The following NXPE4 variants were observed in gnomAD, a reference collection of about 807,000 sequenced individuals.
The protein encoded by NXPE4 is neurexophilin and PC-esterase domain family member 4, also known as NXPE family member 4.
NXPE4 carries 42 observed loss-of-function variants against 33.3 expected under a neutral mutation model. The observed-to-expected ratio is 1.26, with a 90% CI of 0.98 to 1.63. The LOEUF (loss-of-function observed/expected upper bound fraction) is 1.63, where lower values mean the gene tolerates loss of function less well. Ranked by LOEUF, NXPE4 falls within the 40% of genes most tolerant of loss-of-function variation. The probability of loss-of-function intolerance (pLI) is 0.00; values close to 1 mark genes in which losing one functional copy is unlikely to be tolerated. For synonymous variants in NXPE4, 253 were observed against 234.9 expected, an observed-to-expected ratio of 1.08 and a Z score of -0.71; for missense variants, 709 against 647.6, an observed-to-expected ratio of 1.09 and a Z score of -1.03.
chr11:114,624,691 C>T, the NXPE4 span, among the ~76,000 whole-genome samples: 20 of 152,006 alleles, frequency 1.3e-4, no homozygotes, highest in Admixed American at 3.3e-4. Context: ...ATAAGTATTG[C>T]CTCTAGGGTA....
At chr11:114,667,042 T>C in the NXPE4 span, among the ~76,000 whole-genome samples, 1 of 152,102 alleles carries the variant, frequency 6.6e-6, no homozygotes, top group Non-Finnish European at 1.5e-5. Context: ...ATGTTTCTGT[T>C]TTCCTTGTAT....
chr11:114,655,701 A>C, the NXPE4 span, among the ~76,000 whole-genome samples: 1 of 152,216 alleles, frequency 6.6e-6, no homozygotes, highest in African/African-American at 2.4e-5. Context: ...TTTTGGTAGC[A>C]GTACCATGCT....
chr11:114,602,035 A>ATATAATATATATTATATTATATATAT, the NXPE4 span, among the ~76,000 whole-genome samples: 5 of 90,822 alleles, frequency 5.5e-5, no homozygotes, highest in South Asian at 1.4e-3. Context: ...ATGTTATACT[A>ATATAATATATATTATATTATATATAT]TATAATATAT....
chr11:114,601,228 A>G, the NXPE4 span, among the ~76,000 whole-genome samples: 28 of 151,114 alleles, frequency 1.9e-4, 1 homozygote, highest in African/African-American at 5.6e-4. Flanking sequence ...GTAATTTTTC[A>G]TCCCATTTCC....
At chr11:114,623,415 C>A in the NXPE4 span, among the ~76,000 whole-genome samples, 1 of 152,028 alleles carries the variant, frequency 6.6e-6, no homozygotes, top group Non-Finnish European at 1.5e-5. Context: ...CATTGTTACC[C>A]GCTGGATAAT....
Position 114,582,887 on chromosome 11 carries a change from C to T in NXPE4, c.231G>A (p.Glu77=), listed in dbSNP as rs140208011. 6 of 1,614,122 alleles carry T rather than the reference C, an allele frequency of 3.7e-6. No individual in the cohort carries two copies. The South Asian group carries it at 4.4e-5, about 12-fold the overall frequency. ...TGGGTGGGATCTGCTGATCTAGTTTCTCTATGATTTCCTTTATTCTGAGTT... is the reference window on the plus strand; with the variant it reads ...TGGGTGGGATCTGCTGATCTAGTTTTTCTATGATTTCCTTTATTCTGAGTT... ...ETELRIKEII[E]KLDQQIPPRP... The change falls in exon 3 of 6, where the codon GAG becomes GAA. Residue 77 remains glutamate (E), a synonymous_variant. Transcript: ENST00000375478.
the NXPE4 span, among the ~76,000 whole-genome samples, chr11:114,630,040 G>A: frequency 6.6e-6 from 1 of 151,212 alleles, no homozygotes; most frequent in African/African-American, 2.4e-5. Flanking sequence ...ACAAATGGAA[G>A]AACATTCCAT....
the NXPE4 span, among the ~76,000 whole-genome samples, chr11:114,623,064 G>A: frequency 2.6e-5 from 4 of 152,224 alleles, no homozygotes; most frequent in African/African-American, 9.6e-5. Flanking sequence ...TTGCCTTGAG[G>A]GTAACCACTG....
chr11:114,674,705 C>A, the NXPE4 span, among the ~76,000 whole-genome samples: 1 of 151,710 alleles, frequency 6.6e-6, no homozygotes, highest in Non-Finnish European at 1.5e-5. Flanking sequence ...TGGCTTCTCT[C>A]ATGAATTCTA....
chr11:114,663,941 C>A, the NXPE4 span, among the ~76,000 whole-genome samples: 5 of 152,068 alleles, frequency 3.3e-5, no homozygotes, highest in Admixed American at 6.6e-5. Context: ...TGGCACATTG[C>A]TGATGGGGTG....
At chr11:114,632,681 T>TA in the NXPE4 span, among the ~76,000 whole-genome samples, 4 of 55,894 alleles carry the variant, frequency 7.2e-5, no homozygotes, top group Non-Finnish European at 1.1e-4. Context: ...TATATTTATA[T>TA]ATATAAATTT....
the NXPE4 span, among the ~76,000 whole-genome samples, chr11:114,607,194 C>G: frequency 1.5e-4 from 23 of 150,782 alleles, no homozygotes; most frequent in Non-Finnish European, 2.4e-4. Flanking sequence ...GGTGACAATT[C>G]TTACCCTGTG....
chr11:114,571,153 T>G lies in NXPE4; in HGVS notation c.1420A>C (p.Thr474Pro), dbSNP rs1332384563. The G allele has an allele frequency of 1.9e-6, 3 of 1,613,900 alleles. No individual in the cohort carries two copies. In the African/African-American group the frequency reaches 4.0e-5, roughly 22 times the overall value. ...TTGTACATCTCCCTGATGTTTTCTG[T>G]TTTGATGATAACCATAGTGTCTGGG... ...RSPDTMVIIK[T>P]ENIREMYNDA... The change falls in exon 6 of 6, where the codon ACA becomes CCA. Residue 474 changes from threonine (T) to proline (P), a missense_variant. Transcript: ENST00000375478.
the NXPE4 span, among the ~76,000 whole-genome samples, chr11:114,634,241 T>C: frequency 6.6e-6 from 1 of 151,994 alleles, no homozygotes; most frequent in African/African-American, 2.4e-5. Flanking sequence ...TCATGTGTTT[T>C]TTGGCTGCAT....
chr11:114,662,369 T>C, the NXPE4 span, among the ~76,000 whole-genome samples: 1 of 152,138 alleles, frequency 6.6e-6, no homozygotes, highest in Non-Finnish European at 1.5e-5. Flanking sequence ...AGAGGGGAAT[T>C]ACCCATCCGG....
At chr11:114,660,513 C>G in the NXPE4 span, among the ~76,000 whole-genome samples, 1 of 151,592 alleles carries the variant, frequency 6.6e-6, no homozygotes, top group Non-Finnish European at 1.5e-5. Context: ...GAAGAAAAAC[C>G]CTATGATAAT....
rs377228260 is a variant in NXPE4 at position 114,582,788 on chromosome 11, C to T, written c.330G>A (p.Thr110=). ...STATILNPRD[T]YCRGDQLHIL... Reference sequence around the variant, plus strand: ...TGTGCAGCTGGTCTCCCCTGCAGTACGTATCTCGAGGGTTGAGGATGGTGG... The same window carrying T: ...TGTGCAGCTGGTCTCCCCTGCAGTATGTATCTCGAGGGTTGAGGATGGTGG... Residue 110 remains threonine, a synonymous_variant, in exon 3 of 6, where the codon ACG becomes ACA. Transcript: ENST00000375478. 268 of 1,613,998 alleles carry T rather than the reference C, an allele frequency of 1.7e-4. No individual in the cohort carries two copies. Among genetic ancestry groups the T allele is most frequent in the Non-Finnish European group, 2.0e-4 (238 of 1,179,992 alleles).
the NXPE4 span, among the ~76,000 whole-genome samples, chr11:114,612,958 T>A: frequency 1.3e-5 from 2 of 151,932 alleles, no homozygotes; most frequent in African/African-American, 4.8e-5. Flanking sequence ...ACCTGCTGGA[T>A]AATAATTGTT....
chr11:114,576,975 TTA>T (rs200805130), intron 5 of NXPE4, among the ~76,000 whole-genome samples: 23,656 of 127,846 alleles, frequency 0.19, 2,729 homozygotes, highest in African/African-American at 0.32. Context: ...AAGAAGATGT[TTA>T]TATATATATA....
Sources: gnomAD v4.1 joint callset for allele counts (sites outside exome capture counted in the v4.1 genomes callset) on GRCh38, gnomAD v4.1.1 for gene constraint, MANE v1.5 for transcripts, NCBI Gene and HGNC (gene_info 2026-07-23, HGNC 2026-07-21) for gene names.